GDAP1: variants seen among roughly 807,000 people sequenced by gnomAD.
GDAP1 encodes the protein ganglioside-induced differentiation-associated protein 1.
A neutral mutation model predicts 40.1 loss-of-function variants in GDAP1; 34 were observed. The observed-to-expected ratio is 0.85, with a 90% confidence interval of 0.64 to 1.13. The LOEUF (loss-of-function observed/expected upper bound fraction) is 1.13. GDAP1 is among the 50% of genes most tolerant of loss of function. GDAP1 has a pLI of 0.00. For synonymous variants in GDAP1, 170 were observed against 157.4 expected (o/e 1.08, Z -0.60); for missense variants, 374 against 433.7 (o/e 0.86, Z 1.22).
intron 2 of GDAP1, among the ~76,000 whole-genome samples, chr8:74,398,576 C>T (rs1232202241): frequency 6.6e-6 from 1 of 152,164 alleles, no homozygotes. Flanking sequence ...CCAGAACTTC[C>T]AACACTATGT....
chr8:74,432,670 G>A (rs1207695508), intron 2 of GDAP1, among the ~76,000 whole-genome samples: 1 of 152,034 alleles, frequency 6.6e-6, no homozygotes, highest in African/African-American at 2.4e-5. Context: ...TTCCATCAGC[G>A]CCTTCCCTGG....
intron 2 of GDAP1, among the ~76,000 whole-genome samples, chr8:74,352,039 A>G (rs1179559344): frequency 2.0e-5 from 3 of 152,226 alleles, no homozygotes; most frequent in Non-Finnish European, 4.4e-5. Flanking sequence ...AATTTCTTCA[A>G]TAATGTCTTC....
chr8:74,351,220 G>T, intron 1 of GDAP1, 54 bp from the exon 2 acceptor site: 1 of 1,437,274 alleles, frequency 7.0e-7, no homozygotes, highest in South Asian at 1.1e-5. Flanking sequence ...GTCCAGGGAA[G>T]TCATTTAATT....
intron 2 of GDAP1, among the ~76,000 whole-genome samples, chr8:74,475,762 T>G (rs953131536): frequency 2.0e-5 from 3 of 152,160 alleles, no homozygotes; most frequent in Non-Finnish European, 4.4e-5. Context: ...ATTCTGTTGT[T>G]TTTGGGTGAA....
chr8:74,363,427 C>T (rs975066869), intron 5 of GDAP1, among the ~76,000 whole-genome samples: 6 of 152,326 alleles, frequency 3.9e-5, no homozygotes, highest in Middle Eastern at 3.4e-3. Context: ...AGGACCAGCA[C>T]GTGGGCATCT....
intron 2 of GDAP1, among the ~76,000 whole-genome samples, chr8:74,428,633 ATTTTTTTTTTTTTTT>A (rs1195348725): frequency 2.3e-5 from 1 of 42,846 alleles, no homozygotes; most frequent in Non-Finnish European, 3.8e-5. Context: ...CACCCGGCTA[ATTTTTTTTTTTTTTT>A]TTTTTTTTTT....
At chr8:74,421,693 G>A (rs1805859542) in intron 2 of GDAP1, among the ~76,000 whole-genome samples, 1 of 152,112 alleles carries the variant, frequency 6.6e-6, no homozygotes, top group South Asian at 2.1e-4. Flanking sequence ...TTCCTCAAGG[G>A]GAAATTATGT....
intron 2 of GDAP1, among the ~76,000 whole-genome samples, chr8:74,469,044 T>C (rs1395163789): frequency 6.6e-6 from 1 of 152,202 alleles, no homozygotes; most frequent in Non-Finnish European, 1.5e-5. Context: ...CTCAGATATA[T>C]GCATATGATG....
chr8:74,387,531 C>T (rs189671711), intron 2 of GDAP1, among the ~76,000 whole-genome samples: 181 of 152,280 alleles, frequency 1.2e-3, no homozygotes, highest in African/African-American at 3.8e-3. Flanking sequence ...GGGATGAAAC[C>T]GACTTGATCA....
chr8:74,357,419 C>G (rs1437708185), intron 2 of GDAP1, among the ~76,000 whole-genome samples: 2 of 152,174 alleles, frequency 1.3e-5, no homozygotes, highest in Non-Finnish European at 2.9e-5. Context: ...TGTTATTTTA[C>G]TCAGCATTAC....
intron 2 of GDAP1, among the ~76,000 whole-genome samples, chr8:74,411,816 AG>A (rs1805713555): frequency 6.7e-6 from 1 of 149,364 alleles, no homozygotes; most frequent in Non-Finnish European, 1.5e-5. Flanking sequence ...TGGGAGGTCG[AG>A]GCTGTGGTGA....
intron 2 of GDAP1, among the ~76,000 whole-genome samples, chr8:74,423,409 A>G (rs1278872249): frequency 1.4e-5 from 2 of 147,778 alleles, no homozygotes; most frequent in Admixed American, 1.4e-4. Context: ...CATATATATA[A>G]TAGTATATAT....
Position 74,409,414 on chromosome 8 carries a change from C to T in GDAP1, c.165+58093C>T, listed in dbSNP as rs1247627371. Among the ~76,000 whole-genome samples the T allele has an allele frequency of 9.3e-5, 14 of 149,786 alleles. 2 individuals are homozygous for T. The highest frequency in any genetic ancestry group is 3.9e-4 in the East Asian group (2 of 5,176). On this transcript the variant is annotated intron_variant, in intron 2 of 2. Transcript: ENST00000523640. The stretch of plus-strand genomic sequence containing the variant: ...TCGCCCAGACTGGAGTGCAGTGGTG[C>T]GATCTTGGCTCACTGCAACCTCTGC...
chr8:74,455,648 A>C (rs1002316963), intron 2 of GDAP1, among the ~76,000 whole-genome samples: 3 of 151,308 alleles, frequency 2.0e-5, no homozygotes, highest in African/African-American at 7.3e-5. Flanking sequence ...TCCATTTTTC[A>C]TTTTTTTTCT....
At chr8:74,463,815 T>G (rs1156406433) in intron 2 of GDAP1, among the ~76,000 whole-genome samples, 1 of 152,194 alleles carries the variant, frequency 6.6e-6, no homozygotes, top group Non-Finnish European at 1.5e-5. Flanking sequence ...AATCAAAACT[T>G]CTGTGTATTG....
Position 74,470,284 on chromosome 8 carries a change from G to C in GDAP1, c.166-18394G>C, listed in dbSNP as rs1469801320. 5.9e-5 allele frequency among the ~76,000 whole-genome samples: 9 copies of C among 152,156 alleles called. No homozygotes were observed. The East Asian group carries it at 1.7e-3, about 29-fold the overall frequency. ...TTTATTTATTATACTCTAAGTTTTAGGATACATGTGCACAACGTGCAGGTT... is the reference window on the plus strand; with the variant it reads ...TTTATTTATTATACTCTAAGTTTTACGATACATGTGCACAACGTGCAGGTT... On this transcript the variant is annotated intron_variant, in intron 2 of 2. Coordinates refer to the GDAP1 transcript ENST00000523640.
intron 2 of GDAP1, among the ~76,000 whole-genome samples, chr8:74,388,555 T>C (rs186140427): frequency 4.6e-5 from 7 of 152,310 alleles, no homozygotes; most frequent in African/African-American, 1.2e-4. Flanking sequence ...CTGTTTGTTA[T>C]GACTTCTGTC....
intron 2 of GDAP1, among the ~76,000 whole-genome samples, chr8:74,486,409 C>T (rs1806776820): frequency 6.6e-6 from 1 of 152,210 alleles, no homozygotes. Flanking sequence ...ACATGTCTAG[C>T]TCTCCTTCTG....
intron 2 of GDAP1, among the ~76,000 whole-genome samples, chr8:74,480,170 G>T (rs1238233740): frequency 6.6e-6 from 1 of 151,532 alleles, no homozygotes; most frequent in African/African-American, 2.4e-5. Context: ...TTGTATTTTT[G>T]GTAGAGATGG....
Sources: allele counts gnomAD v4.1 joint callset (sites outside exome capture counted in the v4.1 genomes callset), GRCh38; gene constraint gnomAD v4.1.1; transcripts MANE v1.5; gene names NCBI Gene and HGNC (gene_info 2026-07-23, HGNC 2026-07-21).